The following CDH22 variants were observed in gnomAD, a reference collection of about 807,000 sequenced individuals.
The protein encoded by CDH22 is cadherin-22.
CDH22 carries 30 observed loss-of-function variants against 58.4 expected under a neutral mutation model. That is an observed-to-expected ratio of 0.51 (90% CI 0.38 to 0.70). The LOEUF (loss-of-function observed/expected upper bound fraction) is 0.70, where lower values mean the gene tolerates loss of function less well. Ranked by LOEUF, CDH22 falls within the 30% of genes least tolerant of loss-of-function variation. The pLI is 0.00. For missense variants in CDH22, 1,014 were observed against 1,233.9 expected, an observed-to-expected ratio of 0.82 and a Z score of 2.67; for synonymous variants, 513 against 558.2, an observed-to-expected ratio of 0.92 and a Z score of 1.14.
chr20:46,248,832 C>CCAA (rs915503006), intron 2 of CDH22, among the ~76,000 whole-genome samples: 7 of 152,028 alleles, frequency 4.6e-5, no homozygotes, highest in Admixed American at 1.3e-4. Context: ...AAAAACAAAA[C>CCAA]CAACAACAAC....
At chr20:46,290,047 C>T (rs1015648886) in intron 1 of CDH22, among the ~76,000 whole-genome samples, 1 of 152,158 alleles carries the variant, frequency 6.6e-6, no homozygotes, top group Non-Finnish European at 1.5e-5. Context: ...ATTCAGAATT[C>T]TAGTTAGAGC....
At chr20:46,223,449 A>G (rs941911916) in intron 4 of CDH22, among the ~76,000 whole-genome samples, 1 of 151,958 alleles carries the variant, frequency 6.6e-6, no homozygotes, top group Admixed American at 6.6e-5. Context: ...CCTCATCACC[A>G]TCACTATCCT....
intron 11 of CDH22, among the ~76,000 whole-genome samples, chr20:46,176,487 C>T (rs1315516322): frequency 6.6e-6 from 1 of 152,152 alleles, no homozygotes; most frequent in East Asian, 1.9e-4. Context: ...ATCTCAGTGT[C>T]TAGTACATGG....
At chr20:46,255,017 T>C (rs894266911) in intron 1 of CDH22, among the ~76,000 whole-genome samples, 2 of 152,162 alleles carry the variant, frequency 1.3e-5, no homozygotes, top group African/African-American at 4.8e-5. Flanking sequence ...TATATATTTT[T>C]AAAATTTTAT....
In CDH22 at chr20:46,251,232, C is replaced by T. The variant is rs1271478265; in HGVS notation, c.63G>A (p.Leu21=). The T allele has an allele frequency of 1.1e-5, 16 of 1,466,762 alleles. No individual in the cohort carries two copies. The highest frequency in any genetic ancestry group is 8.1e-5 in the Admixed American group (3 of 37,170). 90.9% of individuals were successfully genotyped at this position (1,466,762 alleles called of 1,614,324 possible). A position where few individuals can be genotyped will look rare whatever the true frequency, so the allele number is the denominator to read the frequency against. Residue 21 remains leucine (L), a synonymous_variant, in exon 2 of 12, where the codon CTG becomes CTA. Transcript: ENST00000537909. The surrounding 1 kb of genome is among the most constrained non-coding windows in gnomAD (Gnocchi z 6.7). ...GCGGCGGCGGCAGCAGCAGCAGCAGCAGTAGCGCGGGGGACAGCGCGACTC... is the reference window on the plus strand; with the variant it reads ...GCGGCGGCGGCAGCAGCAGCAGCAGTAGTAGCGCGGGGGACAGCGCGACTC... ...RAGVALSPAL[L]LLLLLPPPPT...
At chr20:46,180,387 C>T (rs951868115) in intron 10 of CDH22, among the ~76,000 whole-genome samples, 6 of 152,160 alleles carry the variant, frequency 3.9e-5, no homozygotes, top group Admixed American at 1.3e-4. Context: ...GAGTCAAGTT[C>T]GACAGTTCAA....
At chr20:46,256,415 A>G (rs2086406848) in intron 1 of CDH22, among the ~76,000 whole-genome samples, 1 of 152,194 alleles carries the variant, frequency 6.6e-6, no homozygotes, top group African/African-American at 2.4e-5. Flanking sequence ...AGAGATCTGA[A>G]GTGAGGGACA....
intron 1 of CDH22, among the ~76,000 whole-genome samples, chr20:46,288,104 T>A (rs1029342573): frequency 2.0e-5 from 3 of 152,172 alleles, no homozygotes; most frequent in Admixed American, 6.5e-5. Context: ...ACCATTTATG[T>A]AGCTTAACAT....
intron 4 of CDH22, among the ~76,000 whole-genome samples, chr20:46,225,124 T>C (rs1236152768): frequency 6.6e-6 from 1 of 152,244 alleles, no homozygotes; most frequent in Non-Finnish European, 1.5e-5. Context: ...CTCTCACACG[T>C]GGCTCACGGG....
At chr20:46,258,971 C>G (rs2086419291) in intron 1 of CDH22, among the ~76,000 whole-genome samples, 1 of 152,174 alleles carries the variant, frequency 6.6e-6, no homozygotes, top group African/African-American at 2.4e-5. Context: ...CGGCTATTTA[C>G]CAATAGCGAT....
At chr20:46,294,434 G>A (rs2086619660) in intron 1 of CDH22, among the ~76,000 whole-genome samples, 2 of 152,342 alleles carry the variant, frequency 1.3e-5, no homozygotes, top group South Asian at 2.1e-4. Context: ...ACACACCAGA[G>A]CTTCCCAGGG....
chr20:46,196,377 G>A (rs879619470), intron 8 of CDH22, among the ~76,000 whole-genome samples: 10 of 152,086 alleles, frequency 6.6e-5, no homozygotes, highest in Non-Finnish European at 1.5e-4. Flanking sequence ...GGGTTCAAGC[G>A]ATTCTCGTGC....
intron 10 of CDH22, among the ~76,000 whole-genome samples, chr20:46,185,280 G>T (rs2085817512): frequency 1.3e-5 from 2 of 152,006 alleles, no homozygotes; most frequent in South Asian, 4.2e-4. Flanking sequence ...CCTTCCCTCA[G>T]TCTATTCCTT....
chr20:46,213,819 G>A (rs1425533220), intron 5 of CDH22, among the ~76,000 whole-genome samples: 6 of 152,048 alleles, frequency 3.9e-5, no homozygotes, highest in African/African-American at 1.5e-4. Flanking sequence ...TAGACACTGC[G>A]GTTACAGCAA....
In CDH22 at chr20:46,181,160, C is replaced by T. The variant is rs1218566974; in HGVS notation, c.1664-2963G>A. On this transcript the variant is annotated intron_variant, in intron 10 of 11. Transcript: ENST00000537909. ...AAAACAATAGAGAGCTACACCAGCT[C>T]GCTGCTGGTCCTGGATCAGAGCTCA... is the stretch of plus-strand genomic sequence containing the variant. Among the ~76,000 whole-genome samples, 6 of 152,142 alleles carry T rather than the reference C, an allele frequency of 3.9e-5. 1 individual carries two copies. Among genetic ancestry groups the T allele is most frequent in the African/African-American group, 9.7e-5 (4 of 41,412 alleles).
In CDH22 at chr20:46,240,945, C is replaced by T; in HGVS notation, c.550+18G>A. On this transcript the variant is annotated intron_variant, in intron 3 of 11. Transcript: ENST00000537909. ...ATCACCTTGATCCCATCCCCCACCC[C>T]CAGGGCCCACAGCCCACCTGTAGGT... is the stretch of plus-strand genomic sequence containing the variant. The T allele has an allele frequency of 6.2e-7, 1 of 1,602,446 alleles. No homozygotes were observed. Among genetic ancestry groups the T allele is most frequent in the Non-Finnish European group, 8.5e-7 (1 of 1,172,142 alleles).
chr20:46,248,221 A>G (rs1461464199), intron 2 of CDH22, among the ~76,000 whole-genome samples: 3 of 152,160 alleles, frequency 2.0e-5, no homozygotes, highest in Non-Finnish European at 2.9e-5. Context: ...GGGTCAGCTC[A>G]TGCTGTTGAG....
Position 46,197,295 on chromosome 20 carries a change from G to GATATATATATATATATATAT in CDH22, c.1423+2108_1423+2127dup, listed in dbSNP as rs34730995. ...ATGTGCTGGAAAGCATCTAGGCCAG[G>GATATATATATATATATATAT]ATATATATATATATATATATATACA... On this transcript the variant is annotated intron_variant, in intron 8 of 11. Coordinates refer to ENST00000537909, the MANE Select transcript of CDH22 (RefSeq NM_021248.3). Among the ~76,000 whole-genome samples, 78 of 141,984 alleles carry GATATATATATATATATATAT rather than the reference G, an allele frequency of 5.5e-4. 1 individual carries two copies. The highest frequency in any genetic ancestry group is 4.8e-4 in the Non-Finnish European group (31 of 64,704). 93.1% of individuals were successfully genotyped at this position (141,984 alleles called of 152,430 possible).
intron 1 of CDH22, among the ~76,000 whole-genome samples, chr20:46,287,314 G>A (rs964833789): frequency 2.6e-5 from 4 of 152,186 alleles, no homozygotes; most frequent in Non-Finnish European, 2.9e-5. Flanking sequence ...GAAGTACTCC[G>A]TAAGTGTTAG....
Sources: gnomAD v4.1 joint callset for allele counts (sites outside exome capture counted in the v4.1 genomes callset) on GRCh38, gnomAD v4.1.1 for gene constraint, Gnocchi (gnomAD v3.1) non-coding constraint, MANE v1.5 for transcripts, NCBI Gene and HGNC (gene_info 2026-07-23, HGNC 2026-07-21) for gene names.